The following ANKS4B variants were observed in gnomAD, a reference collection of about 807,000 sequenced individuals.
The protein encoded by ANKS4B is ankyrin repeat and SAM domain-containing protein 4B.
Under a neutral mutation model 20.2 loss-of-function variants are expected in ANKS4B, and 21 were observed. That is an observed-to-expected ratio of 1.04 (90% confidence interval 0.74 to 1.50). The LOEUF is 1.50. Ranked by LOEUF, ANKS4B falls within the 40% of genes most tolerant of loss-of-function variation. The pLI is 0.00. For missense variants in ANKS4B, 473 were observed against 494.6 expected, an observed-to-expected ratio of 0.96 and a Z score of 0.41; for synonymous variants, 179 against 194.5, an observed-to-expected ratio of 0.92 and a Z score of 0.66.
Position 21,253,266 on chromosome 16 carries a change from G to A in ANKS4B, c.*2446G>A, listed in dbSNP as rs8057795. The A allele has an allele frequency of 1.8e-3, 269 of 152,224 alleles. No individual in the cohort carries two copies. Among genetic ancestry groups the A allele is most frequent in the African/African-American group, 6.2e-3 (258 of 41,540 alleles). The allele number at this position is 152,224 out of a possible 1,614,324, so 9.4% of individuals were successfully genotyped here. On this transcript the variant is annotated 3_prime_UTR_variant, in exon 2 of 2. Coordinates refer to ENST00000311620, the MANE Select transcript of ANKS4B (RefSeq NM_145865.3). ...GGGTTACTTCAAGAGGCATCATGGA[G>A]GATTCAAGTTTAGGGAGGATACAGA... is the stretch of plus-strand genomic sequence containing the variant.
Position 21,250,353 on chromosome 16 carries a change from G to T in ANKS4B, c.787G>T (p.Glu263Ter), listed in dbSNP as rs1178280286. ...AGAGGAGGACGGCAGTGTGCACCAT[G>T]AATCCATTCTCAATCGTCCAGGTCT... Reference protein sequence around the residue: ...SAEEDGSVHHESILNRPGLGS... With the variant: ...SAEEDGSVHH The change falls in exon 2 of 2, where the codon GAA becomes TAA. Residue 263 changes from glutamate (E) to a stop codon, truncating the protein, a stop_gained. Transcript: ENST00000311620. LOFTEE classifies it high-confidence loss of function. 6.2e-7 allele frequency: 1 copy of T among 1,614,214 alleles called. No individual in the cohort carries two copies. The highest frequency in any genetic ancestry group is 1.1e-5 in the South Asian group (1 of 91,084).
chr16:21,250,924 C>A lies in ANKS4B; in HGVS notation c.*104C>A. On this transcript the variant is annotated 3_prime_UTR_variant, in exon 2 of 2. Transcript: ENST00000311620. ...AATGCCAGACCACTGGGAATGGATT[C>A]TAGGGCATCGGAAATGCCTACCTGA... 2.1e-6 allele frequency: 3 copies of A among 1,463,410 alleles called. No individual in the cohort carries two copies. Among genetic ancestry groups the A allele is most frequent in the Non-Finnish European group, 9.1e-7 (1 of 1,095,596 alleles). 90.7% of individuals were successfully genotyped at this position (1,463,410 alleles called of 1,614,324 possible).
intron 1 of ANKS4B, among the ~76,000 whole-genome samples, chr16:21,247,298 T>C (rs2093333540): frequency 1.3e-5 from 2 of 152,020 alleles, no homozygotes; most frequent in African/African-American, 4.8e-5. Context: ...CTCCTGACCT[T>C]GTGATCCACC....
Position 21,253,019 on chromosome 16 carries a change from T to G in ANKS4B, c.*2199T>G, listed in dbSNP as rs1293085466. ...AGCCCAGGCGGTAAGAGAGACTCCA[T>G]CTCAAAAAAAAAAAAAAAAAAAAAG... On this transcript the variant is annotated 3_prime_UTR_variant, in exon 2 of 2. Transcript: ENST00000311620. The G allele has an allele frequency of 2.8e-5, 3 of 107,056 alleles. No individual in the cohort carries two copies. The highest frequency in any genetic ancestry group is 7.3e-5 in the African/African-American group (2 of 27,254). The allele number at this position is 107,056 out of a possible 1,614,324, so 6.6% of individuals were successfully genotyped here.
chr16:21,236,456 G>A (rs1366660489), intron 1 of ANKS4B, among the ~76,000 whole-genome samples: 1 of 152,200 alleles, frequency 6.6e-6, no homozygotes, highest in Non-Finnish European at 1.5e-5. Flanking sequence ...GTTCTTCTCA[G>A]CAGAGAGCTC....
rs754271798 is a variant in ANKS4B, at chr16:21,250,368, C to A, written c.802C>A (p.Arg268Ser). 23 of 1,614,166 alleles carry A rather than the reference C, an allele frequency of 1.4e-5. No homozygotes were observed. In the East Asian group the frequency reaches 4.9e-4, roughly 34 times the overall value. The stretch of plus-strand genomic sequence containing the variant: ...TGTGCACCATGAATCCATTCTCAAT[C>A]GTCCAGGTCTAGGAAGTATTGTTTT... ...GSVHHESILN[R>S]PGLGSIVFRR... Residue 268 changes from arginine to serine, a missense_variant, in exon 2 of 2, where the codon CGT (arginine) becomes AGT (serine). Transcript: ENST00000311620.
intron 1 of ANKS4B, among the ~76,000 whole-genome samples, chr16:21,247,003 T>C (rs771343281): frequency 6.6e-6 from 1 of 152,128 alleles, no homozygotes; most frequent in African/African-American, 2.4e-5. Context: ...CACCTGCGGA[T>C]CTTGCTAAAG....
chr16:21,237,843 ATTTTGG>A (rs2093322065), intron 1 of ANKS4B, among the ~76,000 whole-genome samples: 1 of 152,206 alleles, frequency 6.6e-6, no homozygotes, highest in Non-Finnish European at 1.5e-5. Flanking sequence ...GTGAGTACCC[ATTTTGG>A]CCAACATGAT....
At chr16:21,244,779 C>T (rs2093330425) in intron 1 of ANKS4B, among the ~76,000 whole-genome samples, 1 of 152,158 alleles carries the variant, frequency 6.6e-6, no homozygotes, top group South Asian at 2.1e-4. Context: ...TGAAGGGTCT[C>T]CTTTCATCCC....
chr16:21,250,908 C>A lies in ANKS4B; in HGVS notation c.*88C>A. ...CACCCCCTCTTTACCCAATGCCAGACCACTGGGAATGGATTCTAGGGCATC... is the reference window on the plus strand; with the variant it reads ...CACCCCCTCTTTACCCAATGCCAGAACACTGGGAATGGATTCTAGGGCATC... On this transcript the variant is annotated 3_prime_UTR_variant, in exon 2 of 2. Transcript: ENST00000311620. 1 of 1,487,020 alleles carries A rather than the reference C, an allele frequency of 6.7e-7. No homozygotes were observed. The highest frequency in any genetic ancestry group is 2.2e-5 in the Admixed American group (1 of 44,944). The allele number at this position is 1,487,020 out of a possible 1,614,324, so 92.1% of individuals were successfully genotyped here.
intron 1 of ANKS4B, among the ~76,000 whole-genome samples, chr16:21,245,912 A>G (rs2093331735): frequency 1.3e-5 from 2 of 152,256 alleles, no homozygotes; most frequent in South Asian, 4.1e-4. Context: ...AATATTTACT[A>G]TGTGCCAAGC....
chr16:21,237,279 C>T (rs1467065323), intron 1 of ANKS4B, among the ~76,000 whole-genome samples: 1 of 152,132 alleles, frequency 6.6e-6, no homozygotes, highest in African/African-American at 2.4e-5. Context: ...CCTCGGCCTC[C>T]CAAAGTGTTG....
intron 1 of ANKS4B, among the ~76,000 whole-genome samples, chr16:21,242,596 C>A (rs945185131): frequency 6.6e-6 from 1 of 152,142 alleles, no homozygotes; most frequent in Non-Finnish European, 1.5e-5. Flanking sequence ...TCCATGTTGT[C>A]GAAAATGACA....
chr16:21,234,706 T>C (rs939059426), intron 1 of ANKS4B, among the ~76,000 whole-genome samples: 23 of 152,170 alleles, frequency 1.5e-4, no homozygotes, highest in African/African-American at 5.3e-4. Flanking sequence ...GTATTTGTTA[T>C]GTGCCAGCCA....
chr16:21,245,882 A>G (rs2093331709), intron 1 of ANKS4B, among the ~76,000 whole-genome samples: 1 of 152,222 alleles, frequency 6.6e-6, no homozygotes, highest in Admixed American at 6.5e-5. Flanking sequence ...AAGGGCAAGG[A>G]TAATAAGTAA....
rs542456290 is a variant in ANKS4B at position 21,240,208 on chromosome 16, CA to C, written c.164+6316del. On this transcript the variant is annotated intron_variant, in intron 1 of 1. Transcript: ENST00000311620. ...ACTAGGAAGCATAATGGCCCAATTA[CA>C]AAAAAAAATTCATTTTACCTTTAAA... Among the ~76,000 whole-genome samples, 1,078 of 150,766 alleles carry C rather than the reference CA, an allele frequency of 7.2e-3. 14 individuals are homozygous for C. The highest frequency in any genetic ancestry group is 0.023 in the African/African-American group (954 of 41,196).
At position 21,252,712 on chromosome 16, in the gene ANKS4B, A is replaced by G. The variant is rs2093341028; in HGVS notation, c.*1892A>G. On this transcript the variant is annotated 3_prime_UTR_variant, in exon 2 of 2. Transcript: ENST00000311620. ...CTGTTGTCTGTCACCATTGCCGCAT[A>G]TCTGAATATGTGTAGGTTCCACGAT... 6.6e-6 allele frequency: 1 copy of G among 152,208 alleles called. No individual in the cohort carries two copies. The highest frequency in any genetic ancestry group is 1.5e-5 in the Non-Finnish European group (1 of 68,034). 9.4% of individuals were successfully genotyped at this position (152,208 alleles called of 1,614,324 possible). A position where few individuals can be genotyped will look rare whatever the true frequency, so the allele number is the denominator to read the frequency against.
At chr16:21,248,622 C>T (rs1000959339) in intron 1 of ANKS4B, among the ~76,000 whole-genome samples, 5 of 151,724 alleles carry the variant, frequency 3.3e-5, no homozygotes, top group African/African-American at 9.7e-5. Flanking sequence ...CCCAGCTACT[C>T]GGGAGGCTGA....
intron 1 of ANKS4B, among the ~76,000 whole-genome samples, chr16:21,237,402 C>A (rs996836494): frequency 1.3e-5 from 2 of 152,128 alleles, no homozygotes; most frequent in African/African-American, 2.4e-5. Context: ...ACTGCTATAA[C>A]AAAATACCTT....
Sources: allele counts gnomAD v4.1 joint callset (sites outside exome capture counted in the v4.1 genomes callset), GRCh38; gene constraint gnomAD v4.1.1; transcripts MANE v1.5; gene names NCBI Gene and HGNC (gene_info 2026-07-23, HGNC 2026-07-21).